SBF2: variants seen among roughly 807,000 people sequenced by gnomAD.
SBF2 encodes SET binding factor 2, also known as myotubularin-related protein 13.
SBF2 carries 112 observed loss-of-function variants against 225.2 expected under a neutral mutation model. The ratio of observed to expected loss-of-function variants is 0.50; its 90% CI spans 0.43 to 0.58. SBF2 has a LOEUF of 0.58. SBF2 is among the 20% of genes least tolerant of loss of function. The pLI, the probability that SBF2 is intolerant of heterozygous loss-of-function variation, is 0.00. For missense variants in SBF2, 1,996 were observed against 2,206.2 expected, an observed-to-expected ratio of 0.90 and a Z score of 1.91; for synonymous variants, 763 against 773.3, an observed-to-expected ratio of 0.99 and a Z score of 0.22.
chr11:9,817,071 T>C, intron 28 of SBF2, 47 bp from the exon 29 acceptor site: 1 of 1,600,188 alleles, frequency 6.2e-7, no homozygotes, highest in Non-Finnish European at 8.6e-7. Flanking sequence ...AATGTGGGAA[T>C]GCCACTAACT....
intron 2 of SBF2, among the ~76,000 whole-genome samples, chr11:10,129,463 T>C (rs879904198): frequency 2.6e-5 from 4 of 152,198 alleles, no homozygotes; most frequent in Non-Finnish European, 4.4e-5. Flanking sequence ...AGCCATGTGC[T>C]GTGCTTAGGA....
chr11:10,181,703 T>C (rs146035562), intron 2 of SBF2, among the ~76,000 whole-genome samples: 1 of 152,242 alleles, frequency 6.6e-6, no homozygotes, highest in East Asian at 1.9e-4. Flanking sequence ...TATTTCTGAA[T>C]GTTAAATACA....
chr11:9,994,389 G>A (rs1947582473), intron 9 of SBF2, among the ~76,000 whole-genome samples: 1 of 151,068 alleles, frequency 6.6e-6, no homozygotes, highest in South Asian at 2.1e-4. Flanking sequence ...GCAGGAGAAT[G>A]GCGTGAACCC....
chr11:10,109,501 C>G (rs1312217463), intron 2 of SBF2, among the ~76,000 whole-genome samples: 1 of 152,146 alleles, frequency 6.6e-6, no homozygotes, highest in African/African-American at 2.4e-5. Context: ...TTATGCTACC[C>G]TAGGGACTCC....
intron 16 of SBF2, among the ~76,000 whole-genome samples, chr11:9,910,967 G>C (rs1410904700): frequency 6.6e-6 from 1 of 151,286 alleles, no homozygotes; most frequent in East Asian, 1.9e-4. Flanking sequence ...GCTGAGGCAG[G>C]GGAATTGCTT....
intron 7 of SBF2, among the ~76,000 whole-genome samples, chr11:10,001,806 G>A (rs1017374443): frequency 3.9e-5 from 6 of 152,122 alleles, no homozygotes; most frequent in Admixed American, 3.3e-4. Flanking sequence ...GATTACAGGT[G>A]TGAGCCACTG....
intron 16 of SBF2, among the ~76,000 whole-genome samples, chr11:9,902,309 A>G (rs1861783225): frequency 6.6e-6 from 1 of 152,114 alleles, no homozygotes; most frequent in African/African-American, 2.4e-5. Flanking sequence ...ATTTCTTTCT[A>G]CTCTACTGAC....
At chr11:9,862,598 A>G (rs146214200) in intron 17 of SBF2, among the ~76,000 whole-genome samples, 152 of 152,336 alleles carry the variant, frequency 1.0e-3, no homozygotes, top group East Asian at 6.9e-3. Context: ...CTGTAATATA[A>G]TTATGTAGGG....
intron 1 of SBF2, among the ~76,000 whole-genome samples, chr11:10,256,264 G>A (rs1960856809): frequency 6.6e-6 from 1 of 152,180 alleles, no homozygotes; most frequent in African/African-American, 2.4e-5. Context: ...TATTATGACT[G>A]TAGTTTTATT....
At chr11:9,850,348 T>A in intron 21 of SBF2, 130 bp from the exon 22 acceptor site, 1 of 845,744 alleles carries the variant, frequency 1.2e-6, no homozygotes. Flanking sequence ...ATCAAACTCC[T>A]GGGCTCAAAA....
upstream of SBF2, among the ~76,000 whole-genome samples, chr11:10,297,479 G>A (rs1403930853): frequency 1.3e-5 from 2 of 152,168 alleles, no homozygotes; most frequent in Non-Finnish European, 2.9e-5. Flanking sequence ...CATATTAAAG[G>A]TGAGATGAAG....
intron 16 of SBF2, chr11:9,960,152 G>A (rs1157451607): frequency 6.3e-6 from 1 of 157,928 alleles, no homozygotes; most frequent in African/African-American, 2.4e-5. Flanking sequence ...ACACCACCAT[G>A]CCTGGCTTAT....
At chr11:10,283,348 G>GT (rs59228043) in intron 1 of SBF2, among the ~76,000 whole-genome samples, 4,900 of 152,226 alleles carry the variant, frequency 0.032, 236 homozygotes, top group African/African-American at 0.1. Flanking sequence ...CTCAGGCTAT[G>GT]TATTACAATG....
chr11:10,110,947 A>G (rs1952809951), intron 2 of SBF2, among the ~76,000 whole-genome samples: 1 of 152,168 alleles, frequency 6.6e-6, no homozygotes, highest in Non-Finnish European at 1.5e-5. Flanking sequence ...GAGACACAGT[A>G]GCTAGTCATA....
intron 30 of SBF2, among the ~76,000 whole-genome samples, chr11:9,809,632 C>G (rs918506941): frequency 1.3e-5 from 2 of 151,062 alleles, no homozygotes; most frequent in Non-Finnish European, 2.9e-5. Flanking sequence ...ACAACCTCTG[C>G]CCCCCGGGTT....
intron 16 of SBF2, among the ~76,000 whole-genome samples, chr11:9,921,920 T>C (rs1463819162): frequency 3.3e-5 from 5 of 152,192 alleles, no homozygotes; most frequent in East Asian, 1.9e-4. Flanking sequence ...TATGGGATTA[T>C]AGAAGAGGGA....
chr11:10,299,114 G>A (rs4345958), upstream of SBF2, among the ~76,000 whole-genome samples: 28,523 of 151,978 alleles, frequency 0.19, 3,529 homozygotes, highest in Non-Finnish European at 0.28. Context: ...CAAGTTGGGC[G>A]GATCATGAGG....
intron 13 of SBF2, among the ~76,000 whole-genome samples, chr11:9,978,390 TAGG>T (rs1021534445): frequency 3.9e-5 from 6 of 152,176 alleles, no homozygotes; most frequent in African/African-American, 1.4e-4. Context: ...TGAAGGATAT[TAGG>T]AGAATTACGT....
At chr11:10,046,155 G>A (rs929917493) in intron 2 of SBF2, among the ~76,000 whole-genome samples, 3 of 152,006 alleles carry the variant, frequency 2.0e-5, no homozygotes, top group East Asian at 3.9e-4. Flanking sequence ...GAACATCCTC[G>A]GATTTTGGTA....
Sources: allele counts gnomAD v4.1 joint callset (sites outside exome capture counted in the v4.1 genomes callset), GRCh38; gene constraint gnomAD v4.1.1; transcripts MANE v1.5; gene names NCBI Gene and HGNC (gene_info 2026-07-23, HGNC 2026-07-21).